The following DCHS2 variants were observed in gnomAD, a reference collection of about 807,000 sequenced individuals.
DCHS2 encodes the protein protocadherin-23.
In DCHS2, 142 loss-of-function variants were observed where a neutral mutation model predicts 182.4. The observed-to-expected ratio is 0.78, with a 90% CI of 0.68 to 0.89. The LOEUF (loss-of-function observed/expected upper bound fraction) is 0.89. Among genes scored for constraint, DCHS2 ranks in the 40% least tolerant of loss-of-function variants. DCHS2 has a pLI of 0.00. For synonymous variants in DCHS2, 1,740 were observed against 1,663.3 expected, an observed-to-expected ratio of 1.05 and a Z score of -1.12; for missense variants, 4,319 against 4,198.6, an observed-to-expected ratio of 1.03 and a Z score of -0.79.
At chr4:154,428,327 G>T (rs879272837) in intron 1 of DCHS2, among the ~76,000 whole-genome samples, 1 of 152,062 alleles carries the variant, frequency 6.6e-6, no homozygotes, top group Non-Finnish European at 1.5e-5. Flanking sequence ...ATTGTTTGAG[G>T]CCAAGAGTTC....
chr4:154,285,017 C>T (rs1279846818), intron 13 of DCHS2, among the ~76,000 whole-genome samples: 1 of 152,106 alleles, frequency 6.6e-6, no homozygotes, highest in Non-Finnish European at 1.5e-5. Context: ...AAGACTTTGT[C>T]TTGCAACTTG....
At chr4:154,416,950 G>A (rs1015954038) in intron 1 of DCHS2, among the ~76,000 whole-genome samples, 6 of 151,982 alleles carry the variant, frequency 3.9e-5, no homozygotes, top group African/African-American at 1.5e-4. Flanking sequence ...GTCACCCCCG[G>A]CCTCTGTCTG....
At chr4:154,356,130 G>A (rs1729851725) in intron 3 of DCHS2, among the ~76,000 whole-genome samples, 1 of 152,054 alleles carries the variant, frequency 6.6e-6, no homozygotes. Context: ...AAGATGTGGA[G>A]GTGGAAGACA....
chr4:154,484,879 T>G (rs1252423836), intron 1 of DCHS2, among the ~76,000 whole-genome samples: 1 of 152,238 alleles, frequency 6.6e-6, no homozygotes, highest in Non-Finnish European at 1.5e-5. Flanking sequence ...GGTTCTCTTT[T>G]GGAGATGATC....
intron 1 of DCHS2, among the ~76,000 whole-genome samples, chr4:154,417,160 T>A (rs1732870220): frequency 1.9e-5 from 1 of 52,366 alleles, no homozygotes; most frequent in Admixed American, 2.0e-4. Context: ...CGGTCCCGAG[T>A]GTGTGTGTGT....
At position 154,233,704 on chromosome 4, in the gene DCHS2, T is replaced by TAAG. The variant is rs907679685; in HGVS notation, c.*829_*831dup. On this transcript the variant is annotated 3_prime_UTR_variant, in exon 20 of 20. Transcript: ENST00000357232. ...TAATGTCTTTACCCACACCTACTTA[T>TAAG]AAGACAAGACCTGAAAAAAAAGCCA... 3.9e-5 allele frequency: 6 copies of TAAG among 151,980 alleles called. No homozygotes were observed. Among genetic ancestry groups the TAAG allele is most frequent in the African/African-American group, 1.4e-4 (6 of 41,386 alleles). 9.4% of individuals were successfully genotyped at this position (151,980 alleles called of 1,614,324 possible). A position where few individuals can be genotyped will look rare whatever the true frequency, so the allele number is the denominator to read the frequency against.
intron 13 of DCHS2, among the ~76,000 whole-genome samples, chr4:154,277,088 TA>T: frequency 6.6e-6 from 1 of 152,208 alleles, no homozygotes; most frequent in Non-Finnish European, 1.5e-5. Context: ...GGGCATATAA[TA>T]AGCATTCTAA....
rs1171958185 is a variant in DCHS2, at chr4:154,321,227, A to T, written c.4177-5T>A. On this transcript the variant is annotated splice_region_variant and splice_polypyrimidine_tract_variant and intron_variant, in intron 8 of 19. Transcript: ENST00000357232. ...CCCTTTGGATAGTGGGATCACCTGA[A>T]ATACGAATAAAAGAGATATTAATTT... is the stretch of plus-strand genomic sequence containing the variant. 1 of 1,495,618 alleles carries T rather than the reference A, an allele frequency of 6.7e-7. No individual in the cohort carries two copies. The highest frequency in any genetic ancestry group is 8.9e-7 in the Non-Finnish European group (1 of 1,122,468). 92.6% of individuals were successfully genotyped at this position (1,495,618 alleles called of 1,614,324 possible).
chr4:154,415,343 T>A (rs1732791219), intron 1 of DCHS2, among the ~76,000 whole-genome samples: 1 of 152,242 alleles, frequency 6.6e-6, no homozygotes, highest in East Asian at 1.9e-4. Context: ...AGCCCATGAC[T>A]CATTAGCAAT....
At chr4:154,446,452 T>C (rs186063502) in intron 1 of DCHS2, among the ~76,000 whole-genome samples, 547 of 152,302 alleles carry the variant, frequency 3.6e-3, no homozygotes, top group Non-Finnish European at 5.3e-3. Flanking sequence ...ATTATAGTCT[T>C]GAAAGAATTA....
intron 1 of DCHS2, among the ~76,000 whole-genome samples, chr4:154,485,865 G>C (rs1041691760): frequency 6.6e-6 from 1 of 152,218 alleles, no homozygotes; most frequent in Admixed American, 6.5e-5. Context: ...CACAACATCA[G>C]ACTTAGTGTA....
chr4:154,484,934 G>A (rs183032637), intron 1 of DCHS2, among the ~76,000 whole-genome samples: 104 of 152,314 alleles, frequency 6.8e-4, no homozygotes, highest in African/African-American at 2.3e-3. Flanking sequence ...CACAAAATGT[G>A]CAGCTACAGT....
Position 154,356,272 on chromosome 4 carries a change from G to A in DCHS2, c.2476+9938C>T, listed in dbSNP as rs146367141. Among the ~76,000 whole-genome samples, 386 of 152,036 alleles carry A rather than the reference G, an allele frequency of 2.5e-3. 1 individual carries two copies. Among genetic ancestry groups the A allele is most frequent in the Non-Finnish European group, 4.7e-3 (320 of 67,936 alleles). ...AAAGCTTATACAATAAGGATACAAA[G>A]AAAGAAAATATGGTTGTACAACTAT... is the stretch of plus-strand genomic sequence containing the variant. On this transcript the variant is annotated intron_variant, in intron 3 of 19. Coordinates refer to ENST00000357232, the MANE Select transcript of DCHS2 (RefSeq NM_001358235.2).
At chr4:154,297,303 A>G (rs1413219736) in intron 13 of DCHS2, among the ~76,000 whole-genome samples, 1 of 152,144 alleles carries the variant, frequency 6.6e-6, no homozygotes, top group East Asian at 1.9e-4. Flanking sequence ...TTCACACGTT[A>G]TATTTGCTCT....
chr4:154,330,756 A>T (rs1249065245), intron 5 of DCHS2, among the ~76,000 whole-genome samples: 1 of 152,220 alleles, frequency 6.6e-6, no homozygotes, highest in Non-Finnish European at 1.5e-5. Context: ...GCTTAAATGC[A>T]GTGTTTATGA....
At chr4:154,285,492 G>A (rs1181445894) in intron 13 of DCHS2, among the ~76,000 whole-genome samples, 1 of 152,152 alleles carries the variant, frequency 6.6e-6, no homozygotes, top group African/African-American at 2.4e-5. Flanking sequence ...CAAGGCAGAG[G>A]GGAGCCTACT....
intron 13 of DCHS2, among the ~76,000 whole-genome samples, chr4:154,293,942 G>A (rs1016964290): frequency 7.2e-5 from 11 of 151,954 alleles, no homozygotes; most frequent in Admixed American, 6.6e-5. Flanking sequence ...CTATCTCCCC[G>A]ACCCTTCCCT....
Position 154,491,221 on chromosome 4 carries a change from G to A in DCHS2, c.135C>T (p.Arg45=). The A allele has an allele frequency of 1.3e-6, 2 of 1,551,490 alleles. No individual in the cohort carries two copies. Among genetic ancestry groups the A allele is most frequent in the African/African-American group, 1.4e-5 (1 of 73,188 alleles). The part of the protein sequence containing the change: ...RSGSSGARTQ[R]SLLWLLVHVW... ...CGTGCACCAAGAGCCAGAGCAGGGA[G>A]CGCTGCGTCCTGGCGCCGCTGCTGC... Residue 45 remains arginine (R), a synonymous_variant, in exon 1 of 20, where the codon CGC becomes CGT. Transcript: ENST00000357232.
In DCHS2 at chr4:154,243,015, A is replaced by T. The variant is rs74684668; in HGVS notation, c.6942-243T>A. Among the ~76,000 whole-genome samples, 636 of 152,320 alleles carry T rather than the reference A, an allele frequency of 4.2e-3. 6 individuals carry two copies. The highest frequency in any genetic ancestry group is 0.014 in the African/African-American group (600 of 41,572). ...AAGCTGCCAGGGATCATGAGGCATT[A>T]ATGTCAAAATGGACCATTTCGGAGA... On this transcript the variant is annotated intron_variant, in intron 16 of 19. Coordinates refer to ENST00000357232, the MANE Select transcript of DCHS2 (RefSeq NM_001358235.2).
Sources: allele counts gnomAD v4.1 joint callset (sites outside exome capture counted in the v4.1 genomes callset), GRCh38; gene constraint gnomAD v4.1.1; transcripts MANE v1.5; gene names NCBI Gene and HGNC (gene_info 2026-07-23, HGNC 2026-07-21).